The following TNRC6B variants were observed in gnomAD, a reference collection of about 807,000 sequenced individuals.
TNRC6B encodes trinucleotide repeat-containing gene 6B protein.
Under a neutral mutation model 203.6 loss-of-function variants are expected in TNRC6B, and 52 were observed. That is an observed-to-expected ratio of 0.26 (90% CI 0.20 to 0.32). The LOEUF (loss-of-function observed/expected upper bound fraction) is 0.32, where lower values mean the gene tolerates loss of function less well. Among genes scored for constraint, TNRC6B ranks in the 10% least tolerant of loss-of-function variants. The pLI is 1.00. For synonymous variants in TNRC6B, 838 were observed against 845.7 expected, an observed-to-expected ratio of 0.99 and a Z score of 0.16; for missense variants, 1,923 against 2,286.2, an observed-to-expected ratio of 0.84 and a Z score of 3.24.
chr22:40,174,868 AATAAT>A (rs1156237012), upstream of TNRC6B, among the ~76,000 whole-genome samples: 22 of 152,246 alleles, frequency 1.4e-4, 1 homozygote, highest in Middle Eastern at 0.017. Flanking sequence ...CTTACCTTAC[AATAAT>A]ATAATTTTAA....
intron 8 of TNRC6B, 128 bp from the exon 9 acceptor site, chr22:40,277,871 A>G (rs1483637502): frequency 1.4e-6 from 1 of 708,940 alleles, no homozygotes; most frequent in Admixed American, 2.1e-5. Flanking sequence ...CTTCAGTACC[A>G]TCAAGTTCAT....
chr22:40,314,696 G>A (rs993799923), intron 19 of TNRC6B, among the ~76,000 whole-genome samples: 22 of 152,178 alleles, frequency 1.4e-4, no homozygotes, highest in African/African-American at 4.6e-4. Context: ...CATCTGTTCT[G>A]TGTTCCCATC....
chr22:40,241,035 T>C (rs2070021544), intron 1 of TNRC6B, among the ~76,000 whole-genome samples: 1 of 152,206 alleles, frequency 6.6e-6, no homozygotes, highest in South Asian at 2.1e-4. Flanking sequence ...TTAGAACCAC[T>C]TGGAGGGACT....
At chr22:40,220,652 T>C (rs771402074) in intron 1 of TNRC6B, among the ~76,000 whole-genome samples, 20 of 152,230 alleles carry the variant, frequency 1.3e-4, no homozygotes, top group Non-Finnish European at 2.8e-4. Flanking sequence ...CGGTGTTTCA[T>C]TTCCCATCTC....
intron 1 of TNRC6B, among the ~76,000 whole-genome samples, chr22:40,211,926 C>CT (rs1555890018): frequency 1.3e-5 from 2 of 152,190 alleles, no homozygotes; most frequent in Non-Finnish European, 2.9e-5. Flanking sequence ...CCTAACTCCT[C>CT]TTTCCTTTCG....
At chr22:40,262,296 A>G (rs2070398965) in intron 4 of TNRC6B, 123 bp downstream of exon 4, 13 of 869,454 alleles carry the variant, frequency 1.5e-5, no homozygotes, top group Non-Finnish European at 1.9e-5. Flanking sequence ...TAGTCAAAAG[A>G]TGAGAGAGGA....
rs2070718284 is a variant in TNRC6B at position 40,281,258 on chromosome 22, G to C, written c.3551G>C (p.Gly1184Ala). Residue 1184 changes from glycine to alanine, a missense_variant, in exon 11 of 23, where the codon GGG (glycine) becomes GCG (alanine). Transcript: ENST00000454349. ...PNVSLGAIGT[G>A]LNPQNFAARQ... Reference sequence around the variant, plus strand: ...GTCAGCCTTGGAGCAATCGGCACAGGGCTCAACCCCCAAAACTTCGCTGCT... The same window carrying C: ...GTCAGCCTTGGAGCAATCGGCACAGCGCTCAACCCCCAAAACTTCGCTGCT... 1 of 1,547,780 alleles carries C rather than the reference G, an allele frequency of 6.5e-7. No individual in the cohort carries two copies. Among genetic ancestry groups the C allele is most frequent in the African/African-American group, 1.4e-5 (1 of 72,952 alleles).
intron 1 of TNRC6B, among the ~76,000 whole-genome samples, chr22:40,059,131 T>C (rs2067826339): frequency 6.6e-6 from 1 of 152,234 alleles, no homozygotes; most frequent in Non-Finnish European, 1.5e-5. Context: ...TTTTCTCTCT[T>C]TTTGTCCCCA....
intron 12 of TNRC6B, among the ~76,000 whole-genome samples, chr22:40,294,045 T>A (rs1411407391): frequency 8.9e-6 from 1 of 112,104 alleles, no homozygotes; most frequent in Non-Finnish European, 1.7e-5. Context: ...GAGACAAGCC[T>A]GGGCAAAATG....
chr22:40,096,762 G>T (rs2068188960), intron 1 of TNRC6B, among the ~76,000 whole-genome samples: 1 of 152,170 alleles, frequency 6.6e-6, no homozygotes, highest in East Asian at 1.9e-4. Context: ...TTAGATTTTG[G>T]CTTTTAGAAG....
intron 3 of TNRC6B, chr22:40,125,900 T>C (rs2068488615): frequency 1.9e-6 from 3 of 1,599,874 alleles, no homozygotes; most frequent in South Asian, 1.1e-5. Context: ...TGGGTAGAAA[T>C]TGAACAGTAG....
intron 4 of TNRC6B, chr22:40,156,233 CTT>C (rs985739255): frequency 6.5e-7 from 1 of 1,528,774 alleles, no homozygotes. Flanking sequence ...CTCGGAAACA[CTT>C]TGGTTCAACA....
rs1037625088 is a variant in TNRC6B at position 40,333,744 on chromosome 22, C to T, written c.*10503C>T. 6.6e-6 allele frequency: 1 copy of T among 152,614 alleles called. No homozygotes were observed. The highest frequency in any genetic ancestry group is 2.4e-5 in the African/African-American group (1 of 41,444). The allele number at this position is 152,614 out of a possible 1,614,324, so 9.5% of individuals were successfully genotyped here. Reference sequence around the variant, plus strand: ...TGCATCCTCACCTCTTCCATTACCCCCTCCATGAGCTCGAAGCGACATTAA... The same window carrying T: ...TGCATCCTCACCTCTTCCATTACCCTCTCCATGAGCTCGAAGCGACATTAA... On this transcript the variant is annotated 3_prime_UTR_variant, in exon 23 of 23. Transcript: ENST00000454349.
intron 1 of TNRC6B, among the ~76,000 whole-genome samples, chr22:40,243,970 T>G (rs2070068364): frequency 6.6e-6 from 1 of 152,156 alleles, no homozygotes. Context: ...TTTTTTTTTT[T>G]TGTAAACACC....
chr22:40,192,020 C>T (rs770750752), intron 1 of TNRC6B, among the ~76,000 whole-genome samples: 28 of 152,170 alleles, frequency 1.8e-4, no homozygotes, highest in Non-Finnish European at 3.5e-4. Context: ...TGAGCCACCG[C>T]GCCCAGCCTA....
At chr22:40,153,269 G>C (rs1256147391) in intron 3 of TNRC6B, among the ~76,000 whole-genome samples, 1 of 152,122 alleles carries the variant, frequency 6.6e-6, no homozygotes, top group African/African-American at 2.4e-5. Flanking sequence ...AACTGTAAAA[G>C]AGACAGAGGA....
chr22:40,201,397 G>A (rs1416555608), intron 1 of TNRC6B, among the ~76,000 whole-genome samples: 1 of 151,530 alleles, frequency 6.6e-6, no homozygotes, highest in Non-Finnish European at 1.5e-5. Context: ...TACTAAAGTT[G>A]TTTTTATGTG....
chr22:40,288,230 A>G (rs2070813984), intron 12 of TNRC6B, among the ~76,000 whole-genome samples: 1 of 152,210 alleles, frequency 6.6e-6, no homozygotes, highest in Non-Finnish European at 1.5e-5. Context: ...AACGTGGTTT[A>G]CAACCATTAT....
At chr22:40,295,964 T>A (rs904038892) in intron 12 of TNRC6B, among the ~76,000 whole-genome samples, 1 of 152,198 alleles carries the variant, frequency 6.6e-6, no homozygotes, top group South Asian at 2.1e-4. Flanking sequence ...CCTCCCTGTC[T>A]GTGATTTTTG....
Sources: gnomAD v4.1 joint callset for allele counts (sites outside exome capture counted in the v4.1 genomes callset) on GRCh38, gnomAD v4.1.1 for gene constraint, MANE v1.5 for transcripts, NCBI Gene and HGNC (gene_info 2026-07-23, HGNC 2026-07-21) for gene names.